ATP10B: variants seen among roughly 807,000 people sequenced by gnomAD.
ATP10B encodes ATPase phospholipid transporting 10B (putative), also known as phospholipid-transporting ATPase VB.
In ATP10B, 122 loss-of-function variants were observed where a neutral mutation model predicts 141.2. The observed-to-expected ratio is 0.86, with a 90% CI of 0.75 to 1.00. The LOEUF (loss-of-function observed/expected upper bound fraction) is 1.00, where lower values mean the gene tolerates loss of function less well. Among genes scored for constraint, ATP10B ranks in the 50% least tolerant of loss-of-function variants. The pLI, the probability that ATP10B is intolerant of heterozygous loss-of-function variation, is 0.00. For synonymous variants in ATP10B, 685 were observed against 692.0 expected, an observed-to-expected ratio of 0.99 and a Z score of 0.16; for missense variants, 1,876 against 1,825.3, an observed-to-expected ratio of 1.03 and a Z score of -0.51.
intron 9 of ATP10B, among the ~76,000 whole-genome samples, chr5:160,641,616 C>A (rs1485645453): frequency 6.6e-6 from 1 of 151,938 alleles, no homozygotes; most frequent in Non-Finnish European, 1.5e-5. Flanking sequence ...CTTTCACCAA[C>A]CCCTGGGACC....
chr5:160,813,229 C>T (rs577278619), intron 1 of ATP10B, among the ~76,000 whole-genome samples: 115 of 152,308 alleles, frequency 7.6e-4, no homozygotes, highest in African/African-American at 2.7e-3. Context: ...AATTCCCTTT[C>T]CTAGTCAAAG....
At chr5:160,865,004 C>A in the ATP10B span, among the ~76,000 whole-genome samples, 1 of 149,888 alleles carries the variant, frequency 6.7e-6, no homozygotes, top group Non-Finnish European at 1.5e-5. Context: ...CTGCCAAAAG[C>A]AATCTACACA....
Position 160,617,899 on chromosome 5 carries a change from T to C in ATP10B, c.2491A>G (p.Arg831Gly). ...ATGCATAGTGTGCGCAGGCCATCTC[T>C]TGCATACAAGTCTAGATGCTTTTGG... ...RTQKHLDLYA[R>G]DGLRTLCIAK... Residue 831 changes from arginine to glycine, a missense_variant, in exon 16 of 26, where the codon AGA (arginine) becomes GGA (glycine). By Grantham distance (125) the Arg-to-Gly change is moderately radical. Coordinates refer to ENST00000327245, the MANE Select transcript of ATP10B (RefSeq NM_025153.3). The C allele has an allele frequency of 6.2e-7, 1 of 1,614,202 alleles. No individual in the cohort carries two copies. The highest frequency in any genetic ancestry group is 8.5e-7 in the Non-Finnish European group (1 of 1,180,000).
intron 1 of ATP10B, among the ~76,000 whole-genome samples, chr5:160,834,121 T>A (rs1184524955): frequency 6.6e-6 from 1 of 151,916 alleles, no homozygotes; most frequent in Non-Finnish European, 1.5e-5. Context: ...GGCCAGGAGT[T>A]TGAGAACAGC....
At chr5:160,919,774 C>T in the ATP10B span, among the ~76,000 whole-genome samples, 20 of 152,276 alleles carry the variant, frequency 1.3e-4, no homozygotes, top group African/African-American at 4.3e-4. Context: ...GCTCTCTTTA[C>T]ACTTGGCAGC....
chr5:160,589,528 A>ATTGTTTC, intron 24 of ATP10B, 64 bp downstream of exon 24: 1 of 1,276,150 alleles, frequency 7.8e-7, no homozygotes, highest in Middle Eastern at 2.5e-4. Context: ...ACAATTCAGA[A>ATTGTTTC]ATTTGAGTAT....
At chr5:160,573,535 GGTGA>G (rs1755007285) in intron 24 of ATP10B, among the ~76,000 whole-genome samples, 1 of 152,158 alleles carries the variant, frequency 6.6e-6, no homozygotes, top group Non-Finnish European at 1.5e-5. Flanking sequence ...ATGAGTGGCT[GGTGA>G]GTGAGCATTA....
chr5:160,724,301 A>G (rs1475356205), intron 2 of ATP10B, among the ~76,000 whole-genome samples: 1 of 130,272 alleles, frequency 7.7e-6, no homozygotes, highest in African/African-American at 2.9e-5. Flanking sequence ...TCTGTCACCC[A>G]GGCTGAAATG....
chr5:160,740,185 T>C (rs982849445), intron 2 of ATP10B, among the ~76,000 whole-genome samples: 8 of 152,238 alleles, frequency 5.3e-5, no homozygotes, highest in Admixed American at 4.6e-4. Flanking sequence ...CAGTTTTAAC[T>C]ATCTGGGGTT....
At chr5:160,785,371 G>C (rs1404897737) in intron 2 of ATP10B, among the ~76,000 whole-genome samples, 188 bp downstream of exon 2, 1 of 152,114 alleles carries the variant, frequency 6.6e-6, no homozygotes, top group African/African-American at 2.4e-5. Flanking sequence ...TGACATACCA[G>C]ATCAGCTGAC....
chr5:160,775,158 G>A (rs1770200628), intron 2 of ATP10B, among the ~76,000 whole-genome samples: 1 of 152,166 alleles, frequency 6.6e-6, no homozygotes, highest in Non-Finnish European at 1.5e-5. Context: ...AGACCCCTGG[G>A]CTTTGCCCTG....
At chr5:160,698,878 C>A (rs759061082) in intron 3 of ATP10B, among the ~76,000 whole-genome samples, 1 of 152,138 alleles carries the variant, frequency 6.6e-6, no homozygotes, top group Non-Finnish European at 1.5e-5. Flanking sequence ...CAGAGGCAGG[C>A]GTGAATCCAG....
intron 2 of ATP10B, among the ~76,000 whole-genome samples, chr5:160,781,152 A>G (rs1419015706): frequency 2.0e-5 from 3 of 152,228 alleles, no homozygotes; most frequent in Admixed American, 1.3e-4. Flanking sequence ...AATGACCACA[A>G]GGAATTGTCC....
intron 7 of ATP10B, among the ~76,000 whole-genome samples, chr5:160,669,858 C>T (rs980673829): frequency 1.5e-5 from 2 of 133,096 alleles, no homozygotes; most frequent in African/African-American, 2.9e-5. Context: ...TGCCTCTCGG[C>T]CTGCCAAAAT....
intron 1 of ATP10B, among the ~76,000 whole-genome samples, chr5:160,814,375 A>C (rs1489691205): frequency 6.6e-6 from 1 of 152,222 alleles, no homozygotes. Flanking sequence ...AACTGGAAGA[A>C]AGGGTATCAG....
At chr5:160,826,326 A>G (rs1365002207) in intron 1 of ATP10B, among the ~76,000 whole-genome samples, 1 of 152,132 alleles carries the variant, frequency 6.6e-6, no homozygotes, top group Admixed American at 6.6e-5. Flanking sequence ...CCCCGAACAG[A>G]AGGACCAGCT....
In ATP10B at chr5:160,620,703, T is replaced by A; in HGVS notation, c.2060A>T (p.Gln687Leu). The A allele has an allele frequency of 6.2e-7, 1 of 1,614,190 alleles. No individual in the cohort carries two copies. Among genetic ancestry groups the A allele is most frequent in the Non-Finnish European group, 8.5e-7 (1 of 1,180,006 alleles). ...DGGYRSSMWD[Q>L]GDILESGSGT... is the part of the protein sequence containing the mutation. Reference sequence around the variant, plus strand: ...TGACCCAGACTCCAGGATGTCGCCCTGGTCCCACATGCTGCTCCTGTAGCC... The same window carrying A: ...TGACCCAGACTCCAGGATGTCGCCCAGGTCCCACATGCTGCTCCTGTAGCC... The change falls in exon 15 of 26, where the codon CAG becomes CTG. Residue 687 changes from glutamine to leucine, a missense_variant. Gln to Leu is a moderately radical substitution (Grantham distance 113). Transcript: ENST00000327245.
intron 24 of ATP10B, among the ~76,000 whole-genome samples, chr5:160,588,396 G>T (rs1756054572): frequency 1.3e-5 from 2 of 152,114 alleles, no homozygotes; most frequent in Non-Finnish European, 2.9e-5. Context: ...GATAGTGGTG[G>T]TGGGAGGCTG....
chr5:160,589,200 C>T (rs562575252), intron 24 of ATP10B, among the ~76,000 whole-genome samples: 60 of 152,126 alleles, frequency 3.9e-4, no homozygotes, highest in African/African-American at 1.1e-3. Context: ...TTAGTAGAGA[C>T]GGGATTTCAC....
Sources: gnomAD v4.1 joint callset for allele counts (sites outside exome capture counted in the v4.1 genomes callset) on GRCh38, gnomAD v4.1.1 for gene constraint, MANE v1.5 for transcripts, NCBI Gene and HGNC (gene_info 2026-07-23, HGNC 2026-07-21) for gene names.